Variants in SLC25A48 observed in about 807,000 individuals in gnomAD.
SLC25A48 encodes the protein solute carrier family 25 member 48.
A neutral mutation model predicts 32.2 loss-of-function variants in SLC25A48; 29 were observed. The ratio of observed to expected loss-of-function variants is 0.90; its 90% CI spans 0.67 to 1.23. The LOEUF (loss-of-function observed/expected upper bound fraction) is 1.23, where lower values mean the gene tolerates loss of function less well. Among genes scored for constraint, SLC25A48 ranks in the 50% most tolerant of loss-of-function variants. The pLI is 0.00. For synonymous variants in SLC25A48, 164 were observed against 172.3 expected, an observed-to-expected ratio of 0.95 and a Z score of 0.38; for missense variants, 399 against 422.7, an observed-to-expected ratio of 0.94 and a Z score of 0.49.
At chr5:135,692,313 C>A (rs573849893) in intron 3 of SLC25A48, among the ~76,000 whole-genome samples, 1 of 90,648 alleles carries the variant, frequency 1.1e-5, no homozygotes, top group East Asian at 2.5e-4. Context: ...AGCAAGACCC[C>A]GTCTCAAAAA....
chr5:135,810,967 CT>C (rs1757578182), intron 3 of SLC25A48, among the ~76,000 whole-genome samples: 1 of 152,176 alleles, frequency 6.6e-6, no homozygotes, highest in African/African-American at 2.4e-5. Context: ...CCAGCAGCAC[CT>C]ACCGGAACTG....
intron 1 of SLC25A48, chr5:135,601,038 A>T (rs1037940225): frequency 1.8e-4 from 28 of 152,230 alleles, no homozygotes; most frequent in African/African-American, 6.5e-4. Context: ...GAACAAGTTA[A>T]TCCTTCCCCA....
chr5:135,607,799 T>A (rs1751972399), intron 1 of SLC25A48, among the ~76,000 whole-genome samples: 1 of 152,188 alleles, frequency 6.6e-6, no homozygotes, highest in Non-Finnish European at 1.5e-5. Context: ...CTTTGGTAGG[T>A]ATGTAAATCA....
At chr5:135,626,944 G>T (rs777033602) in intron 1 of SLC25A48, among the ~76,000 whole-genome samples, 17 of 152,166 alleles carry the variant, frequency 1.1e-4, no homozygotes, top group Non-Finnish European at 2.4e-4. Context: ...TTGGCCTGCT[G>T]GTTGCCTTCT....
At chr5:135,707,477 A>G (rs1215371460) in intron 3 of SLC25A48, among the ~76,000 whole-genome samples, 2 of 151,994 alleles carry the variant, frequency 1.3e-5, no homozygotes, top group African/African-American at 4.8e-5. Context: ...AATGCACTTC[A>G]GCCACTTTGG....
chr5:135,835,037 C>T, intron 1 of SLC25A48, 144 bp downstream of exon 1: 1 of 971,236 alleles, frequency 1.0e-6, no homozygotes, highest in Non-Finnish European at 1.6e-6. Flanking sequence ...TGCCCGGCCC[C>T]GAGATCCCCC....
intron 3 of SLC25A48, among the ~76,000 whole-genome samples, chr5:135,762,980 G>A (rs765719010): frequency 2.6e-5 from 4 of 151,958 alleles, no homozygotes; most frequent in African/African-American, 4.8e-5. Flanking sequence ...GTGTGCATGT[G>A]TATATGTGAA....
intron 2 of SLC25A48, among the ~76,000 whole-genome samples, chr5:135,847,499 T>C (rs972261614): frequency 6.6e-6 from 1 of 152,208 alleles, no homozygotes; most frequent in African/African-American, 2.4e-5. Flanking sequence ...TGTCATCTTA[T>C]ATGGCAAAAG....
At chr5:135,815,894 AT>A (rs1267987799) in intron 4 of SLC25A48, among the ~76,000 whole-genome samples, 6 of 152,214 alleles carry the variant, frequency 3.9e-5, no homozygotes, top group African/African-American at 1.4e-4. Context: ...TATCTGAAAA[AT>A]CATGGCTTAG....
chr5:135,800,821 G>T (rs779495494), intron 3 of SLC25A48, among the ~76,000 whole-genome samples: 32 of 151,446 alleles, frequency 2.1e-4, no homozygotes, highest in African/African-American at 7.8e-4. Flanking sequence ...ACCCCATATC[G>T]CTGGGGAGTG....
chr5:135,581,593 G>A (rs1751236157), intron 1 of SLC25A48, among the ~76,000 whole-genome samples: 1 of 152,218 alleles, frequency 6.6e-6, no homozygotes, highest in South Asian at 2.1e-4. Context: ...CAACACCAGC[G>A]ATCGTGGGCA....
intron 3 of SLC25A48, among the ~76,000 whole-genome samples, chr5:135,643,741 G>A (rs977254242): frequency 5.9e-5 from 9 of 152,112 alleles, no homozygotes; most frequent in East Asian, 1.9e-4. Context: ...AGTGAGCAGC[G>A]ACCCCGTTAA....
chr5:135,663,170 C>A (rs1232691479), intron 3 of SLC25A48, among the ~76,000 whole-genome samples: 1 of 152,094 alleles, frequency 6.6e-6, no homozygotes, highest in East Asian at 1.9e-4. Context: ...TGGATTTTGC[C>A]CCAGCTGAAT....
At chr5:135,606,746 G>A (rs780660217) in intron 1 of SLC25A48, among the ~76,000 whole-genome samples, 15 of 152,148 alleles carry the variant, frequency 9.9e-5, no homozygotes, top group South Asian at 2.1e-4. Flanking sequence ...TGGAAAAACA[G>A]CATCACTACT....
intron 3 of SLC25A48, among the ~76,000 whole-genome samples, chr5:135,736,367 C>A (rs371559725): frequency 3.3e-5 from 5 of 152,134 alleles, no homozygotes; most frequent in African/African-American, 1.2e-4. Flanking sequence ...TGGGGCCAAG[C>A]GGTGTTGCAG....
chr5:135,592,294 C>T (rs562581774), intron 1 of SLC25A48, among the ~76,000 whole-genome samples: 2 of 152,278 alleles, frequency 1.3e-5, no homozygotes, highest in South Asian at 2.1e-4. Context: ...ATCAGGGAGG[C>T]GTGATGAAGC....
In SLC25A48 at chr5:135,791,916, T is replaced by C. The variant is rs527267525; in HGVS notation, c.-520-20607T>C. 1.1e-4 allele frequency among the ~76,000 whole-genome samples: 17 copies of C among 151,846 alleles called. No homozygotes were observed. The Middle Eastern group carries it at 0.01, about 92-fold the overall frequency. ...GTACATTCTGTGATAATATATGTAA[T>C]ATCCTAAGAAGATATTACCGCAAAC... On this transcript the variant is annotated intron_variant, in intron 3 of 10. Coordinates refer to the SLC25A48 transcript ENST00000646290.
intron 3 of SLC25A48, among the ~76,000 whole-genome samples, chr5:135,787,395 G>A (rs1006056699): frequency 6.6e-6 from 1 of 151,800 alleles, no homozygotes; most frequent in Non-Finnish European, 1.5e-5. Context: ...TGTGATATTA[G>A]CAGTAATATT....
At chr5:135,838,644 T>G (rs1473685551) in intron 1 of SLC25A48, among the ~76,000 whole-genome samples, 4 of 152,258 alleles carry the variant, frequency 2.6e-5, no homozygotes, top group African/African-American at 9.6e-5. Flanking sequence ...TCCTAGCCAC[T>G]TCAGCCATGG....
Sources: allele counts gnomAD v4.1 joint callset (sites outside exome capture counted in the v4.1 genomes callset), GRCh38; gene constraint gnomAD v4.1.1; transcripts MANE v1.5; gene names NCBI Gene and HGNC (gene_info 2026-07-23, HGNC 2026-07-21).